The following LATS2 variants were observed in gnomAD, a reference collection of about 807,000 sequenced individuals.
LATS2 encodes large tumor suppressor kinase 2, also known as serine/threonine-protein kinase LATS2.
LATS2 carries 24 observed loss-of-function variants against 76.0 expected under a neutral mutation model. The ratio of observed to expected loss-of-function variants is 0.32; its 90% CI spans 0.23 to 0.44. The LOEUF (loss-of-function observed/expected upper bound fraction) is 0.44. Among genes scored for constraint, LATS2 ranks in the 20% least tolerant of loss-of-function variants. The probability of loss-of-function intolerance (pLI) is 1.00; values close to 1 mark genes in which losing one functional copy is unlikely to be tolerated. For synonymous variants in LATS2, 692 were observed against 635.4 expected (o/e 1.09, Z -1.34); for missense variants, 1,286 against 1,481.2 (o/e 0.87, Z 2.16).
chr13:20,984,637 C>G (rs1165977878), intron 4 of LATS2, among the ~76,000 whole-genome samples: 2 of 151,968 alleles, frequency 1.3e-5, no homozygotes, highest in Non-Finnish European at 2.9e-5. Flanking sequence ...AAGAGCTCTA[C>G]AAAGAAAACT....
chr13:21,011,074 A>G (rs1048747500), intron 2 of LATS2, among the ~76,000 whole-genome samples: 4 of 152,238 alleles, frequency 2.6e-5, no homozygotes, highest in African/African-American at 9.6e-5. Flanking sequence ...ATATATCAAC[A>G]TGGTAATGGT....
intron 2 of LATS2, among the ~76,000 whole-genome samples, chr13:21,027,471 C>T (rs1455945301): frequency 6.6e-6 from 1 of 152,152 alleles, no homozygotes; most frequent in Non-Finnish European, 1.5e-5. Context: ...AAACAAAAAC[C>T]CTCAACCTCC....
chr13:20,999,430 A>G (rs1870934540), intron 2 of LATS2, among the ~76,000 whole-genome samples: 1 of 152,124 alleles, frequency 6.6e-6, no homozygotes, highest in Non-Finnish European at 1.5e-5. Flanking sequence ...TAATCTCTGT[A>G]TCGTTCCAAT....
intron 2 of LATS2, among the ~76,000 whole-genome samples, chr13:21,015,527 A>T (rs1871762941): frequency 6.6e-6 from 1 of 152,240 alleles, no homozygotes; most frequent in Non-Finnish European, 1.5e-5. Context: ...TAAACTTGTC[A>T]TAAGAAGATA....
rs920376591 is a variant in LATS2 at position 20,998,258 on chromosome 13, G to A, written c.343-6854C>T. ...AGTTCCAGCTTCATGGGAGGCTGAG[G>A]CAGGAATCACTTTGAACCTGGGAGG... On this transcript the variant is annotated intron_variant, in intron 2 of 7. Coordinates refer to ENST00000382592, the MANE Select transcript of LATS2 (RefSeq NM_014572.3). 4.6e-5 allele frequency among the ~76,000 whole-genome samples: 7 copies of A among 152,284 alleles called. No homozygotes were observed. The East Asian group carries it at 9.6e-4, about 21-fold the overall frequency.
rs539370623 is a variant in LATS2 at position 20,980,896 on chromosome 13, A to G, written c.2665+570T>C. Among the ~76,000 whole-genome samples the G allele has an allele frequency of 5.3e-5, 8 of 152,336 alleles. No individual in the cohort carries two copies. In the South Asian group the frequency reaches 1.4e-3, roughly 28 times the overall value. ...GCAGGATCACTGAAGGATTCCTCCT[A>G]TACTGAACCAGATGTTGCATTTGAC... On this transcript the variant is annotated intron_variant, in intron 6 of 7. Coordinates refer to ENST00000382592, the MANE Select transcript of LATS2 (RefSeq NM_014572.3).
Position 21,046,374 on chromosome 13 carries a change from A to C in LATS2, c.-204-144T>G, listed in dbSNP as rs908008534. On this transcript the variant is annotated intron_variant, in intron 1 of 7. Transcript: ENST00000382592. ...AACGCATCACCTCTCAGAAATGACA[A>C]AAATACTGTTCAACCATGGTTAGAG... is the stretch of plus-strand genomic sequence containing the variant. 1.5e-5 allele frequency: 4 copies of C among 268,832 alleles called. No individual in the cohort carries two copies. The Admixed American group carries it at 1.9e-4, about 13-fold the overall frequency. 16.7% of individuals were successfully genotyped at this position (268,832 alleles called of 1,614,324 possible).
At chr13:21,001,606 T>G (rs1871042253) in intron 2 of LATS2, among the ~76,000 whole-genome samples, 1 of 152,180 alleles carries the variant, frequency 6.6e-6, no homozygotes, top group East Asian at 1.9e-4. Flanking sequence ...TGAAGCCCTC[T>G]TGGGTATTCA....
intron 2 of LATS2, chr13:21,018,145 A>T (rs1185722146): frequency 6.6e-6 from 1 of 152,236 alleles, no homozygotes; most frequent in Non-Finnish European, 1.5e-5. Context: ...GTAAACTGAC[A>T]GTTCAAGGAG....
At chr13:21,002,208 C>T (rs535041898) in intron 2 of LATS2, among the ~76,000 whole-genome samples, 57 of 151,786 alleles carry the variant, frequency 3.8e-4, no homozygotes, top group Admixed American at 6.6e-4. Flanking sequence ...CCACTGCGCC[C>T]GGCCAAAAAG....
intron 2 of LATS2, among the ~76,000 whole-genome samples, chr13:21,041,698 G>GC (rs1227096205): frequency 8.6e-5 from 13 of 151,968 alleles, no homozygotes; most frequent in African/African-American, 2.9e-4. Context: ...CCTAGCACTC[G>GC]CATCCAAACA....
chr13:21,055,471 G>C (rs958226206), intron 1 of LATS2, among the ~76,000 whole-genome samples: 1 of 152,182 alleles, frequency 6.6e-6, no homozygotes, highest in Non-Finnish European at 1.5e-5. Context: ...ATCCAGAGCT[G>C]AGACAACTAC....
chr13:21,036,575 C>A (rs1872688880), intron 2 of LATS2, among the ~76,000 whole-genome samples: 2 of 151,962 alleles, frequency 1.3e-5, no homozygotes, highest in Non-Finnish European at 2.9e-5. Context: ...GAGTTCAAGA[C>A]CAGACTCACC....
At chr13:21,033,176 G>C (rs1410425822) in intron 2 of LATS2, among the ~76,000 whole-genome samples, 1 of 152,024 alleles carries the variant, frequency 6.6e-6, no homozygotes. Flanking sequence ...AGAAAGACTG[G>C]AAGTGGAGCC....
intron 2 of LATS2, 118 bp downstream of exon 2, chr13:21,045,567 A>G: frequency 2.8e-6 from 2 of 724,296 alleles, no homozygotes; most frequent in Admixed American, 2.9e-5. Context: ...TTTAACCTAG[A>G]AACACTTGTA....
intron 2 of LATS2, among the ~76,000 whole-genome samples, chr13:21,031,829 C>G (rs562777410): frequency 1.3e-5 from 2 of 152,282 alleles, no homozygotes; most frequent in East Asian, 3.9e-4. Context: ...GCACTCCGGC[C>G]TGGGTGACAG....
chr13:21,045,514 C>A (rs533553782), intron 2 of LATS2, among the ~76,000 whole-genome samples, 171 bp downstream of exon 2: 1 of 152,182 alleles, frequency 6.6e-6, no homozygotes, highest in Non-Finnish European at 1.5e-5. Flanking sequence ...GGTAGAGAAC[C>A]TTCAATTGTG....
chr13:20,981,419 G>T (rs1869873861), intron 6 of LATS2, 47 bp downstream of exon 6: 3 of 1,561,346 alleles, frequency 1.9e-6, no homozygotes. Context: ...GCTCACGTCT[G>T]AAGGGAAGGA....
chr13:20,979,930 T>C (rs1869796284), intron 6 of LATS2, 133 bp from the exon 7 acceptor site: 2 of 487,434 alleles, frequency 4.1e-6, no homozygotes, highest in Non-Finnish European at 7.3e-6. Context: ...GTGCGCAAGA[T>C]GGACCTATGT....
Sources: gnomAD v4.1 joint callset for allele counts (sites outside exome capture counted in the v4.1 genomes callset) on GRCh38, gnomAD v4.1.1 for gene constraint, MANE v1.5 for transcripts, NCBI Gene and HGNC (gene_info 2026-07-23, HGNC 2026-07-21) for gene names.